KCNB2: variants seen among roughly 807,000 people sequenced by gnomAD.
KCNB2 encodes the protein potassium voltage-gated channel subfamily B member 2, also known as delayed rectifier potassium channel protein.
KCNB2 carries 15 observed loss-of-function variants against 61.5 expected under a neutral mutation model. That is an observed-to-expected ratio of 0.24 (90% confidence interval 0.16 to 0.38). The LOEUF (loss-of-function observed/expected upper bound fraction) is 0.38, where lower values mean the gene tolerates loss of function less well. Ranked by LOEUF, KCNB2 falls within the 10% of genes least tolerant of loss-of-function variation. The pLI, the probability that KCNB2 is intolerant of heterozygous loss-of-function variation, is 1.00. For synonymous variants in KCNB2, 457 were observed against 446.0 expected, an observed-to-expected ratio of 1.02 and a Z score of -0.31; for missense variants, 828 against 1,125.2, an observed-to-expected ratio of 0.74 and a Z score of 3.78.
At chr8:72,704,720 G>T (rs1243833326) in intron 2 of KCNB2, among the ~76,000 whole-genome samples, 1 of 152,130 alleles carries the variant, frequency 6.6e-6, no homozygotes, top group African/African-American at 2.4e-5. Flanking sequence ...GAATTTAGCA[G>T]TGACTCCAAA....
intron 1 of KCNB2, among the ~76,000 whole-genome samples, chr8:72,561,778 G>GTATATATAT (rs1563523646): frequency 5.8e-5 from 2 of 34,326 alleles, no homozygotes; most frequent in Non-Finnish European, 1.2e-4. Flanking sequence ...TATATATATG[G>GTATATATAT]ATATATATAT....
At chr8:72,668,381 T>A (rs1039338231) in intron 2 of KCNB2, among the ~76,000 whole-genome samples, 3 of 152,162 alleles carry the variant, frequency 2.0e-5, no homozygotes, top group Non-Finnish European at 2.9e-5. Flanking sequence ...CTAGTGTGGA[T>A]TATGGCCCCT....
chr8:72,725,591 G>GTATGTATATATA (rs1807631795), intron 2 of KCNB2, among the ~76,000 whole-genome samples: 20 of 51,918 alleles, frequency 3.9e-4, no homozygotes, highest in African/African-American at 1.2e-3. Context: ...ATATATGTAT[G>GTATGTATATATA]TATATATATA....
chr8:72,548,896 G>T (rs2128977116), intron 1 of KCNB2, among the ~76,000 whole-genome samples: 1 of 152,286 alleles, frequency 6.6e-6, no homozygotes, highest in East Asian at 1.9e-4. Context: ...GGGTGGTTAG[G>T]TCACTTCATT....
At chr8:72,560,121 C>G (rs939893766) in intron 1 of KCNB2, among the ~76,000 whole-genome samples, 2 of 152,106 alleles carry the variant, frequency 1.3e-5, no homozygotes, top group African/African-American at 4.8e-5. Flanking sequence ...GAAATAGGAA[C>G]AGAATGATAA....
chr8:72,689,655 G>A (rs1194509705), intron 2 of KCNB2, among the ~76,000 whole-genome samples: 2 of 152,256 alleles, frequency 1.3e-5, no homozygotes, highest in East Asian at 3.9e-4. Context: ...GGTACTGTAT[G>A]TGATCTTTGT....
At chr8:72,767,320 A>G (rs1299747780) in intron 2 of KCNB2, among the ~76,000 whole-genome samples, 1 of 152,202 alleles carries the variant, frequency 6.6e-6, no homozygotes, top group Non-Finnish European at 1.5e-5. Context: ...TTGTTATAGT[A>G]TATTCACCAA....
At chr8:72,817,129 T>C (rs768590589) in intron 2 of KCNB2, among the ~76,000 whole-genome samples, 10 of 152,124 alleles carry the variant, frequency 6.6e-5, no homozygotes, top group Non-Finnish European at 1.3e-4. Flanking sequence ...GGGGCAACAT[T>C]GTCCTTAGAA....
At chr8:72,820,778 C>G (rs1809484698) in intron 2 of KCNB2, among the ~76,000 whole-genome samples, 1 of 152,140 alleles carries the variant, frequency 6.6e-6, no homozygotes, top group South Asian at 2.1e-4. Context: ...CTGATCCTCT[C>G]TGTCAGATCA....
intron 2 of KCNB2, among the ~76,000 whole-genome samples, chr8:72,792,833 C>T (rs1808968354): frequency 6.6e-6 from 1 of 152,130 alleles, no homozygotes; most frequent in South Asian, 2.1e-4. Flanking sequence ...TAATGTCAGC[C>T]ATATGGAAGA....
At chr8:72,790,859 GGAGTATCAAGTTCA>G (rs1304761788) in intron 2 of KCNB2, among the ~76,000 whole-genome samples, 1 of 152,110 alleles carries the variant, frequency 6.6e-6, no homozygotes, top group Non-Finnish European at 1.5e-5. Flanking sequence ...TCTTTCCTGA[GGAGTATCAAGTTCA>G]GAATGCTTTC....
At chr8:72,874,444 G>C (rs752572660) in intron 2 of KCNB2, among the ~76,000 whole-genome samples, 5 of 152,160 alleles carry the variant, frequency 3.3e-5, no homozygotes, top group African/African-American at 4.8e-5. Context: ...CAGTGAGTCT[G>C]CTTTCCCCCT....
chr8:72,684,407 G>T (rs1252944263), intron 2 of KCNB2, among the ~76,000 whole-genome samples: 4 of 152,150 alleles, frequency 2.6e-5, no homozygotes, highest in Non-Finnish European at 5.9e-5. Flanking sequence ...ATATATAGGT[G>T]GTAGTTAAAG....
chr8:72,799,607 A>G (rs1809089100), intron 2 of KCNB2, among the ~76,000 whole-genome samples: 1 of 152,154 alleles, frequency 6.6e-6, no homozygotes, highest in Non-Finnish European at 1.5e-5. Context: ...CAGACAAGAC[A>G]ATGATGTCCA....
chr8:72,557,216 C>T (rs1048123200), intron 1 of KCNB2, among the ~76,000 whole-genome samples: 3 of 152,242 alleles, frequency 2.0e-5, no homozygotes, highest in Non-Finnish European at 4.4e-5. Flanking sequence ...TCACCTTTCC[C>T]CTCACATGAT....
chr8:72,709,446 T>G (rs1178248140), intron 2 of KCNB2, among the ~76,000 whole-genome samples: 1 of 151,748 alleles, frequency 6.6e-6, no homozygotes, highest in African/African-American at 2.4e-5. Flanking sequence ...TCCTGCAGGC[T>G]GTACAGGAAG....
intron 1 of KCNB2, among the ~76,000 whole-genome samples, chr8:72,550,989 A>G (rs973644486): frequency 7.2e-5 from 11 of 152,126 alleles, no homozygotes; most frequent in Non-Finnish European, 1.3e-4. Context: ...TTTAGGAAGA[A>G]GCCTCTTTTA....
chr8:72,863,865 G>T (rs966423963), intron 2 of KCNB2, among the ~76,000 whole-genome samples: 3 of 152,180 alleles, frequency 2.0e-5, no homozygotes, highest in African/African-American at 7.2e-5. Flanking sequence ...ATAGCCAGGT[G>T]TGGTGGCATG....
chr8:72,799,831 G>A (rs575752689), intron 2 of KCNB2, among the ~76,000 whole-genome samples: 2 of 152,150 alleles, frequency 1.3e-5, no homozygotes, highest in Non-Finnish European at 2.9e-5. Flanking sequence ...AGTCAGAAAG[G>A]CTTCTAGGAA....
Sources: allele counts gnomAD v4.1 joint callset (sites outside exome capture counted in the v4.1 genomes callset), GRCh38; gene constraint gnomAD v4.1.1; transcripts MANE v1.5; gene names NCBI Gene and HGNC (gene_info 2026-07-23, HGNC 2026-07-21).